CLSTN2: variants seen among roughly 807,000 people sequenced by gnomAD.
The protein encoded by CLSTN2 is calsyntenin 2, also known as calsyntenin-2.
In CLSTN2, 48 loss-of-function variants were observed where a neutral mutation model predicts 101.2. The observed-to-expected ratio is 0.47, with a 90% CI of 0.38 to 0.60. CLSTN2 has a LOEUF of 0.60. Ranked by LOEUF, CLSTN2 falls within the 20% of genes least tolerant of loss-of-function variation. The probability of loss-of-function intolerance (pLI) is 0.00; values close to 1 mark genes in which losing one functional copy is unlikely to be tolerated. For synonymous variants in CLSTN2, 481 were observed against 463.6 expected, an observed-to-expected ratio of 1.04 and a Z score of -0.48; for missense variants, 1,160 against 1,238.2, an observed-to-expected ratio of 0.94 and a Z score of 0.95.
intron 9 of CLSTN2, among the ~76,000 whole-genome samples, chr3:140,536,848 G>A (rs1015477473): frequency 2.0e-5 from 3 of 152,224 alleles, no homozygotes; most frequent in Non-Finnish European, 4.4e-5. Context: ...ACGTGAACCA[G>A]AAAGAGTGGA....
chr3:140,218,314 C>A (rs2010945162), intron 2 of CLSTN2, among the ~76,000 whole-genome samples: 1 of 152,170 alleles, frequency 6.6e-6, no homozygotes, highest in Non-Finnish European at 1.5e-5. Flanking sequence ...AAAGATGCAA[C>A]CTTACCTATC....
intron 1 of CLSTN2, among the ~76,000 whole-genome samples, chr3:140,080,205 G>A (rs141709505): frequency 6.6e-6 from 1 of 152,282 alleles, no homozygotes; most frequent in South Asian, 2.1e-4. Flanking sequence ...CTGAAGCCCA[G>A]TGAGTGCCCT....
chr3:139,954,067 G>T (rs529858431), intron 1 of CLSTN2, among the ~76,000 whole-genome samples: 1 of 151,928 alleles, frequency 6.6e-6, no homozygotes, highest in Non-Finnish European at 1.5e-5. Flanking sequence ...AAATTGTTTC[G>T]TCACCCAGGT....
At chr3:140,441,231 C>T (rs10804674) in intron 5 of CLSTN2, among the ~76,000 whole-genome samples, 111,482 of 152,112 alleles carry the variant, frequency 0.73, 41,326 homozygotes, top group African/African-American at 0.83. Context: ...AGTAAGTGAC[C>T]CACTCTCTCC....
At chr3:140,355,706 G>A (rs751294081) in intron 2 of CLSTN2, among the ~76,000 whole-genome samples, 18 of 152,286 alleles carry the variant, frequency 1.2e-4, no homozygotes, top group Middle Eastern at 3.4e-3. Flanking sequence ...CAGGCTCATA[G>A]CACCTCGCAT....
chr3:140,351,792 G>GTTTTTTTTTT (rs398062856), intron 2 of CLSTN2, among the ~76,000 whole-genome samples: 1 of 147,030 alleles, frequency 6.8e-6, no homozygotes, highest in Non-Finnish European at 1.5e-5. Context: ...GTTTTGTTTT[G>GTTTTTTTTTT]TTTTTTTTTT....
chr3:140,035,874 A>C (rs2007641883), intron 1 of CLSTN2, among the ~76,000 whole-genome samples: 1 of 152,112 alleles, frequency 6.6e-6, no homozygotes, highest in Non-Finnish European at 1.5e-5. Context: ...TTTGTCCTTG[A>C]AAAGTGCTAC....
chr3:140,071,875 C>A (rs1385361108), intron 1 of CLSTN2, among the ~76,000 whole-genome samples: 1 of 139,894 alleles, frequency 7.1e-6, no homozygotes, highest in African/African-American at 3.1e-5. Flanking sequence ...AAGAAAAACA[C>A]CAAACATGAA....
At chr3:139,990,355 G>A (rs753451179) in intron 1 of CLSTN2, among the ~76,000 whole-genome samples, 2 of 152,160 alleles carry the variant, frequency 1.3e-5, no homozygotes, top group Non-Finnish European at 1.5e-5. Flanking sequence ...GCCCAGTGTT[G>A]AGAAAATGAA....
At chr3:140,401,926 G>A (rs548329845) in intron 2 of CLSTN2, among the ~76,000 whole-genome samples, 6 of 152,298 alleles carry the variant, frequency 3.9e-5, no homozygotes, top group South Asian at 2.1e-4. Flanking sequence ...CCCAAAAAAC[G>A]GAAGTGAATG....
intron 2 of CLSTN2, among the ~76,000 whole-genome samples, chr3:140,329,211 A>T (rs1263543595): frequency 6.6e-6 from 1 of 151,930 alleles, no homozygotes; most frequent in African/African-American, 2.4e-5. Context: ...ACATGGCAAA[A>T]CCCCATCTCT....
rs550284727 is a variant in CLSTN2 at position 139,975,935 on chromosome 3, C to G, written c.109+40452C>G. On this transcript the variant is annotated intron_variant, in intron 1 of 16. Coordinates refer to ENST00000458420, the MANE Select transcript of CLSTN2 (RefSeq NM_022131.3). Reference sequence around the variant, plus strand: ...ACCGTACTACATGTAATTCTTATGACACAGTTATGAGGCAGGTACTAGTAC... The same window carrying G: ...ACCGTACTACATGTAATTCTTATGAGACAGTTATGAGGCAGGTACTAGTAC... 2.0e-5 allele frequency among the ~76,000 whole-genome samples: 3 copies of G among 152,316 alleles called. No homozygotes were observed. In the East Asian group the frequency reaches 5.8e-4, roughly 29 times the overall value.
chr3:140,105,431 T>A (rs530894441), intron 1 of CLSTN2, among the ~76,000 whole-genome samples: 1 of 152,290 alleles, frequency 6.6e-6, no homozygotes, highest in East Asian at 1.9e-4. Context: ...GCTTTTGTAA[T>A]AATTAGTGAT....
At chr3:140,540,189 CAG>C (rs1166670269) in intron 9 of CLSTN2, among the ~76,000 whole-genome samples, 1 of 152,168 alleles carries the variant, frequency 6.6e-6, no homozygotes, top group Non-Finnish European at 1.5e-5. Context: ...TTCTCAACCC[CAG>C]AGAGCTGACA....
intron 2 of CLSTN2, among the ~76,000 whole-genome samples, chr3:140,334,697 T>C (rs1204037349): frequency 1.3e-5 from 2 of 152,136 alleles, no homozygotes; most frequent in Non-Finnish European, 2.9e-5. Context: ...CCCAGAGCAA[T>C]CAAGAAAGCT....
chr3:140,359,007 T>C (rs571154456), intron 2 of CLSTN2, among the ~76,000 whole-genome samples: 1 of 152,234 alleles, frequency 6.6e-6, no homozygotes, highest in East Asian at 1.9e-4. Context: ...TTCAGACATC[T>C]ATACCAAGAG....
At position 140,565,804 on chromosome 3, in the gene CLSTN2, C is replaced by A. The variant is rs1392671010; in HGVS notation, c.2668-249C>A. Among the ~76,000 whole-genome samples the A allele has an allele frequency of 6.6e-5, 10 of 152,318 alleles. No individual in the cohort carries two copies. In the East Asian group the frequency reaches 1.7e-3, roughly 26 times the overall value. ...TAAAATGTCCAGCCCATCATTTATA[C>A]CCAACAGTCTACCTTGAGTTCATGC... On this transcript the variant is annotated intron_variant, in intron 16 of 16. Transcript: ENST00000458420.
chr3:140,099,504 C>T (rs1021907091), intron 1 of CLSTN2, among the ~76,000 whole-genome samples: 3 of 152,116 alleles, frequency 2.0e-5, no homozygotes, highest in Non-Finnish European at 4.4e-5. Context: ...TCTAGATTCT[C>T]AGCTAAAATA....
intron 1 of CLSTN2, among the ~76,000 whole-genome samples, chr3:140,081,360 G>C (rs924060555): frequency 6.6e-6 from 1 of 152,186 alleles, no homozygotes; most frequent in East Asian, 1.9e-4. Flanking sequence ...TTCGTGCCAA[G>C]GTTGATGTTT....
Sources: allele counts gnomAD v4.1 joint callset (sites outside exome capture counted in the v4.1 genomes callset), GRCh38; gene constraint gnomAD v4.1.1; transcripts MANE v1.5; gene names NCBI Gene and HGNC (gene_info 2026-07-23, HGNC 2026-07-21).